Variants in TBC1D21 observed in about 807,000 individuals in gnomAD.
TBC1D21 encodes the protein TBC1 domain family member 21.
A neutral mutation model predicts 46.0 loss-of-function variants in TBC1D21; 38 were observed. That is an observed-to-expected ratio of 0.83 (90% CI 0.64 to 1.08). The LOEUF (loss-of-function observed/expected upper bound fraction) is 1.08, where lower values mean the gene tolerates loss of function less well. Ranked by LOEUF, TBC1D21 falls within the 50% of genes least tolerant of loss-of-function variation. The pLI, the probability that TBC1D21 is intolerant of heterozygous loss-of-function variation, is 0.00. For missense variants in TBC1D21, 415 were observed against 417.9 expected (o/e 0.99, Z 0.06); for synonymous variants, 151 against 157.2 (o/e 0.96, Z 0.29).
the TBC1D21 span, among the ~76,000 whole-genome samples, chr15:73,899,196 C>T: frequency 6.6e-6 from 1 of 152,042 alleles, no homozygotes; most frequent in Non-Finnish European, 1.5e-5. Flanking sequence ...GTCTGATGAG[C>T]TTCAGTTTCT....
chr15:73,886,279 G>A, intron 7 of TBC1D21, 105 bp downstream of exon 7: 1 of 1,054,992 alleles, frequency 9.5e-7, no homozygotes, highest in South Asian at 1.4e-5. Flanking sequence ...GAGAGCAGCA[G>A]AATCATTTGA....
chr15:73,883,195 G>A (rs184075986), intron 3 of TBC1D21, among the ~76,000 whole-genome samples: 1 of 152,224 alleles, frequency 6.6e-6, no homozygotes, highest in Non-Finnish European at 1.5e-5. Flanking sequence ...AAAGATTCAC[G>A]TGTCGGGGCC....
Position 73,873,621 on chromosome 15 carries a change from G to A in TBC1D21, c.-89G>A. The A allele has an allele frequency of 6.9e-7, 1 of 1,450,046 alleles. No homozygotes were observed. The highest frequency in any genetic ancestry group is 1.2e-5 in the South Asian group (1 of 80,868). 89.8% of individuals were successfully genotyped at this position (1,450,046 alleles called of 1,614,324 possible). A position where few individuals can be genotyped will look rare whatever the true frequency, so the allele number is the denominator to read the frequency against. On this transcript the variant is annotated 5_prime_UTR_variant, in exon 1 of 11. Coordinates refer to ENST00000300504, the MANE Select transcript of TBC1D21 (RefSeq NM_153356.3). ...GGTCAGGAGCAGCCAGTTCCTCCTG[G>A]GAATGCAACCCATCTCCGAAAAGGA...
At chr15:73,881,871 TC>T (rs1346172413) in intron 3 of TBC1D21, 124 bp downstream of exon 3, 4 of 844,272 alleles carry the variant, frequency 4.7e-6, no homozygotes, top group Non-Finnish European at 7.6e-6. Flanking sequence ...ACCCCATGCC[TC>T]CTGACCCAGG....
intron 9 of TBC1D21, 57 bp downstream of exon 9, chr15:73,887,793 C>T (rs2068277680): frequency 6.9e-7 from 1 of 1,450,036 alleles, no homozygotes; most frequent in Non-Finnish European, 9.6e-7. Flanking sequence ...TGACACCCCA[C>T]CCCACCCCAG....
At chr15:73,883,379 C>A (rs2068187907) in intron 3 of TBC1D21, among the ~76,000 whole-genome samples, 1 of 152,204 alleles carries the variant, frequency 6.6e-6, no homozygotes, top group African/African-American at 2.4e-5. Flanking sequence ...AGTTCTGGAG[C>A]CAGAAGCCCA....
At chr15:73,881,548 A>G (rs747485786) in intron 2 of TBC1D21, 42 bp downstream of exon 2, 1 of 1,605,396 alleles carries the variant, frequency 6.2e-7, no homozygotes, top group Non-Finnish European at 8.5e-7. Context: ...TGGAACTGGG[A>G]GCATGGATGG....
chr15:73,896,728 G>A, the TBC1D21 span, among the ~76,000 whole-genome samples: 4 of 152,210 alleles, frequency 2.6e-5, no homozygotes. Flanking sequence ...CTCCTTGGCA[G>A]ACTCGGTATG....
chr15:73,881,231 C>G (rs1215922184), intron 1 of TBC1D21, among the ~76,000 whole-genome samples, 168 bp from the exon 2 acceptor site: 1 of 152,186 alleles, frequency 6.6e-6, no homozygotes, highest in Non-Finnish European at 1.5e-5. Context: ...ATTGTGCATA[C>G]AGGATTTTTT....
the TBC1D21 span, among the ~76,000 whole-genome samples, chr15:73,898,636 G>A: frequency 6.6e-6 from 1 of 151,746 alleles, no homozygotes; most frequent in South Asian, 2.1e-4. Flanking sequence ...GGCTGAGGTG[G>A]GCGGATCACT....
chr15:73,900,402 G>A, the TBC1D21 span, among the ~76,000 whole-genome samples: 1 of 152,186 alleles, frequency 6.6e-6, no homozygotes, highest in Non-Finnish European at 1.5e-5. Flanking sequence ...ATAATTCCCA[G>A]TGCTGGGGGA....
chr15:73,884,095 AC>A, intron 3 of TBC1D21, 55 bp from the exon 4 acceptor site: 1 of 1,378,608 alleles, frequency 7.3e-7, no homozygotes, highest in Non-Finnish European at 1.0e-6. Context: ...CTGCTCATTC[AC>A]CACTTATCAG....
At chr15:73,881,789 C>A (rs947627757) in intron 3 of TBC1D21, 42 bp downstream of exon 3, 2 of 1,562,190 alleles carry the variant, frequency 1.3e-6, no homozygotes, top group Non-Finnish European at 1.8e-6. Context: ...GGGGGGCCTG[C>A]AGGTGGCAGG....
At chr15:73,906,707 G>T in the TBC1D21 span, among the ~76,000 whole-genome samples, 1 of 152,212 alleles carries the variant, frequency 6.6e-6, no homozygotes, top group Non-Finnish European at 1.5e-5. Flanking sequence ...GACCCAGGAG[G>T]AGGAGAAGAC....
chr15:73,881,779 G>C lies in TBC1D21; in HGVS notation c.272+32G>C, dbSNP rs150708213. 5.9e-4 allele frequency: 941 copies of C among 1,596,704 alleles called. 8 individuals carry two copies. The African/African-American group carries it at 0.011, about 19-fold the overall frequency. On this transcript the variant is annotated intron_variant, in intron 3 of 10. Coordinates refer to ENST00000300504, the MANE Select transcript of TBC1D21 (RefSeq NM_153356.3). ...CACTCCAGACCCTGCTGGGACAGGAGGGGGGCCTGCAGGTGGCAGGTGCTG... is the reference window on the plus strand; with the variant it reads ...CACTCCAGACCCTGCTGGGACAGGACGGGGGCCTGCAGGTGGCAGGTGCTG...
chr15:73,907,477 A>T, the TBC1D21 span, among the ~76,000 whole-genome samples: 10 of 152,210 alleles, frequency 6.6e-5, no homozygotes, highest in African/African-American at 2.4e-4. Context: ...TAGCTGTGTG[A>T]TCCTCTGCTG....
the TBC1D21 span, among the ~76,000 whole-genome samples, chr15:73,903,344 C>T: frequency 3.3e-5 from 5 of 152,178 alleles, no homozygotes; most frequent in Non-Finnish European, 7.3e-5. Flanking sequence ...CAGGAGCAGC[C>T]CTTGAAGGAA....
chr15:73,885,134 C>T, intron 6 of TBC1D21, 31 bp downstream of exon 6: 1 of 1,581,870 alleles, frequency 6.3e-7, no homozygotes, highest in Non-Finnish European at 8.6e-7. Flanking sequence ...CAGGGACGCC[C>T]CTCCCCAACC....
chr15:73,886,533 T>C lies in TBC1D21; in HGVS notation c.698T>C (p.Val233Ala). Residue 233 changes from valine (V) to alanine (A), a missense_variant, in exon 8 of 11, where the codon GTG (valine) becomes GCG (alanine). By Grantham distance (64) the Val-to-Ala change is moderately conservative (BLOSUM62 0). Transcript: ENST00000300504. ...ACAGAAGGGAAGGGTGCAGGGGCTG[T>C]GCAGTCCCTCTTCCCCTGGTTCTGC... ...EHLKGKGAGA[V>A]QSLFPWFCFC... is the part of the protein sequence containing the mutation. 6.2e-7 allele frequency: 1 copy of C among 1,613,688 alleles called. No individual in the cohort carries two copies. Among genetic ancestry groups the C allele is most frequent in the Non-Finnish European group, 8.5e-7 (1 of 1,179,948 alleles).
Sources: allele counts gnomAD v4.1 joint callset (sites outside exome capture counted in the v4.1 genomes callset), GRCh38; gene constraint gnomAD v4.1.1; transcripts MANE v1.5; gene names NCBI Gene and HGNC (gene_info 2026-07-23, HGNC 2026-07-21).